Variants in EHBP1 observed in about 807,000 individuals in gnomAD.
EHBP1 encodes the protein EH domain binding protein 1.
EHBP1 carries 55 observed loss-of-function variants against 144.0 expected under a neutral mutation model. The observed-to-expected ratio is 0.38, with a 90% CI of 0.31 to 0.48. EHBP1 has a LOEUF of 0.48. Ranked by LOEUF, EHBP1 falls within the 20% of genes least tolerant of loss-of-function variation. The probability of loss-of-function intolerance (pLI) is 0.98; values close to 1 mark genes in which losing one functional copy is unlikely to be tolerated. For synonymous variants in EHBP1, 469 were observed against 472.7 expected, an observed-to-expected ratio of 0.99 and a Z score of 0.10; for missense variants, 1,200 against 1,364.2, an observed-to-expected ratio of 0.88 and a Z score of 1.90.
At chr2:62,918,373 T>G (rs1278889169) in intron 10 of EHBP1, among the ~76,000 whole-genome samples, 1 of 152,200 alleles carries the variant, frequency 6.6e-6, no homozygotes, top group Non-Finnish European at 1.5e-5. Flanking sequence ...AATAGAATTT[T>G]GCATATTTTA....
intron 5 of EHBP1, among the ~76,000 whole-genome samples, chr2:62,821,937 TGTG>T (rs992922131): frequency 6.6e-6 from 1 of 152,130 alleles, no homozygotes; most frequent in African/African-American, 2.4e-5. Flanking sequence ...TCATGGAAAA[TGTG>T]GTGTCTTTCC....
intron 5 of EHBP1, among the ~76,000 whole-genome samples, chr2:62,786,852 T>C (rs1196761269): frequency 6.6e-6 from 1 of 152,172 alleles, no homozygotes; most frequent in Non-Finnish European, 1.5e-5. Context: ...AATTGCATGT[T>C]ATCTTGTGTG....
At chr2:63,001,441 A>G (rs547625915) in intron 19 of EHBP1, among the ~76,000 whole-genome samples, 1 of 152,326 alleles carries the variant, frequency 6.6e-6, no homozygotes, top group African/African-American at 2.4e-5. Context: ...TACATTCTTC[A>G]GAATGTTTCT....
chr2:62,895,407 ATCT>A (rs1233971878), intron 10 of EHBP1, among the ~76,000 whole-genome samples: 2 of 151,996 alleles, frequency 1.3e-5, no homozygotes, highest in South Asian at 2.1e-4. Context: ...TAACATTCCT[ATCT>A]TCTTTGCCTT....
chr2:62,996,672 A>T lies in EHBP1; in HGVS notation c.3009A>T (p.Val1003=). ...GGTTCAAAGACACCAGTCAGTATGT[A>T]GTAGGAGAATTGGCAGCACTAGAGA... ...NKGFKDTSQY[V]VGELAALENE... Residue 1003 remains valine (V), a synonymous_variant, in exon 19 of 23, where the codon GTA becomes GTT. Transcript: ENST00000431489. 6.2e-7 allele frequency: 1 copy of T among 1,613,378 alleles called. No homozygotes were observed.
Position 62,867,624 on chromosome 2 carries a change from T to C in EHBP1, c.998+2653T>C, listed in dbSNP as rs576278618. Among the ~76,000 whole-genome samples the C allele has an allele frequency of 1.6e-3, 246 of 152,278 alleles. 8 individuals are homozygous for C. The highest frequency in any genetic ancestry group is 1.1e-3 in the Non-Finnish European group (75 of 68,000). On this transcript the variant is annotated intron_variant, in intron 9 of 22. Coordinates refer to ENST00000431489, the MANE Select transcript of EHBP1 (RefSeq NM_001142616.3). ...TACAATGGCCATGGATTCAAAGATA[T>C]AAGTTATTTTCAGTCAATTTATAAA...
chr2:62,859,548 G>A (rs1345255813), intron 8 of EHBP1, among the ~76,000 whole-genome samples: 4 of 152,186 alleles, frequency 2.6e-5, no homozygotes, highest in Non-Finnish European at 5.9e-5. Context: ...GGTCTACCAA[G>A]TAAGGTCAGA....
chr2:62,809,656 C>T (rs1301679462), intron 5 of EHBP1, among the ~76,000 whole-genome samples: 3 of 152,174 alleles, frequency 2.0e-5, no homozygotes, highest in Non-Finnish European at 4.4e-5. Flanking sequence ...CACCCTGTCA[C>T]TCCCCCAACT....
chr2:62,691,864 C>T (rs2033917208), intron 1 of EHBP1, among the ~76,000 whole-genome samples: 1 of 152,146 alleles, frequency 6.6e-6, no homozygotes, highest in Non-Finnish European at 1.5e-5. Flanking sequence ...AATGTGGCTG[C>T]AGTGGTTTCT....
chr2:62,980,230 C>T (rs1348999014), intron 15 of EHBP1, among the ~76,000 whole-genome samples: 2 of 152,194 alleles, frequency 1.3e-5, no homozygotes, highest in African/African-American at 2.4e-5. Flanking sequence ...AACTGTTTCA[C>T]CTCAGATCAT....
rs1173588066 is a variant in EHBP1, at chr2:62,925,898, T to TA, written c.1186-16814dup. On this transcript the variant is annotated intron_variant, in intron 10 of 22. Coordinates refer to ENST00000431489, the MANE Select transcript of EHBP1 (RefSeq NM_001142616.3). ...TTACATTCTTCACAGAAATAGAAAA[T>TA]AAAAAACAGAATTTATATGAACCCA... Among the ~76,000 whole-genome samples the TA allele has an allele frequency of 2.6e-5, 4 of 151,746 alleles. No homozygotes were observed. The East Asian group carries it at 7.7e-4, about 29-fold the overall frequency.
At chr2:62,783,468 A>T (rs533342035) in intron 5 of EHBP1, among the ~76,000 whole-genome samples, 4 of 152,212 alleles carry the variant, frequency 2.6e-5, no homozygotes, top group African/African-American at 9.7e-5. Context: ...GCAAACTTCT[A>T]TCTGGACATC....
chr2:62,867,854 G>C (rs533453836), intron 9 of EHBP1, among the ~76,000 whole-genome samples: 3 of 152,284 alleles, frequency 2.0e-5, no homozygotes, highest in African/African-American at 7.2e-5. Context: ...GACTGTAGGT[G>C]ACTGGAAGAG....
At chr2:62,738,367 T>C (rs759427102) in intron 2 of EHBP1, among the ~76,000 whole-genome samples, 1 of 152,176 alleles carries the variant, frequency 6.6e-6, no homozygotes, top group South Asian at 2.1e-4. Context: ...TTTTAAAAAT[T>C]TCCTTGTGTT....
intron 5 of EHBP1, among the ~76,000 whole-genome samples, chr2:62,792,958 A>T (rs2043263732): frequency 6.6e-6 from 1 of 151,974 alleles, no homozygotes; most frequent in Admixed American, 6.6e-5. Context: ...TATCTTTAAA[A>T]ATTTTAATAT....
At chr2:62,679,616 C>G (rs528805382) in intron 1 of EHBP1, among the ~76,000 whole-genome samples, 1 of 152,170 alleles carries the variant, frequency 6.6e-6, no homozygotes, top group Admixed American at 6.5e-5. Context: ...AATTTCATGC[C>G]TCTTTACTAT....
intron 14 of EHBP1, among the ~76,000 whole-genome samples, chr2:62,974,106 C>G (rs527939438): frequency 1.3e-5 from 2 of 152,256 alleles, no homozygotes; most frequent in South Asian, 4.1e-4. Flanking sequence ...CATACTATTC[C>G]TCACCTATGA....
intron 5 of EHBP1, among the ~76,000 whole-genome samples, chr2:62,779,598 ATC>A (rs1235904183): frequency 1.3e-5 from 2 of 152,100 alleles, no homozygotes; most frequent in African/African-American, 2.4e-5. Flanking sequence ...GTATTGTTAG[ATC>A]TCTTTTAGGC....
chr2:62,880,281 G>A (rs2051289056), intron 10 of EHBP1, among the ~76,000 whole-genome samples: 1 of 149,114 alleles, frequency 6.7e-6, no homozygotes, highest in South Asian at 2.1e-4. Flanking sequence ...GAAAGCCTAG[G>A]AAATACCATT....
Sources: gnomAD v4.1 joint callset for allele counts (sites outside exome capture counted in the v4.1 genomes callset) on GRCh38, gnomAD v4.1.1 for gene constraint, MANE v1.5 for transcripts, NCBI Gene and HGNC (gene_info 2026-07-23, HGNC 2026-07-21) for gene names.